MYO18B: variants seen among roughly 807,000 people sequenced by gnomAD.
MYO18B encodes unconventional myosin-XVIIIb.
In MYO18B, 204 loss-of-function variants were observed where a neutral mutation model predicts 273.0. That is an observed-to-expected ratio of 0.75 (90% CI 0.67 to 0.84). MYO18B has a LOEUF of 0.84. MYO18B is among the 40% of genes least tolerant of loss of function. MYO18B has a pLI of 0.00. For synonymous variants in MYO18B, 1,330 were observed against 1,305.7 expected (o/e 1.02, Z -0.40); for missense variants, 3,212 against 3,287.6 (o/e 0.98, Z 0.56).
At chr22:25,873,992 G>C (rs1156347182) in intron 22 of MYO18B, among the ~76,000 whole-genome samples, 2 of 152,220 alleles carry the variant, frequency 1.3e-5, no homozygotes, top group African/African-American at 2.4e-5. Context: ...TTCTGATTTA[G>C]CAGGTCTGGA....
chr22:25,772,298 GA>G, intron 6 of MYO18B, 35 bp from the exon 7 acceptor site: 1 of 1,592,534 alleles, frequency 6.3e-7, no homozygotes, highest in Admixed American at 1.7e-5. Context: ...CAGAAGGCCA[GA>G]AGGCCAGAGG....
intron 39 of MYO18B, among the ~76,000 whole-genome samples, chr22:25,978,103 C>A (rs181992836): frequency 2.3e-4 from 35 of 152,296 alleles, no homozygotes; most frequent in African/African-American, 8.2e-4. Flanking sequence ...CCGAGTACAA[C>A]CTTATTCATA....
chr22:25,830,819 A>C (rs906049933), intron 15 of MYO18B, among the ~76,000 whole-genome samples: 2 of 152,244 alleles, frequency 1.3e-5, no homozygotes. Context: ...CTCTGCAGAG[A>C]GTATAGATAC....
At chr22:25,842,862 A>G (rs2145992195) in intron 17 of MYO18B, among the ~76,000 whole-genome samples, 2 of 152,248 alleles carry the variant, frequency 1.3e-5, no homozygotes, top group Middle Eastern at 6.8e-3. Context: ...GCCAAGCATG[A>G]TGCTGGGCAC....
intron 7 of MYO18B, among the ~76,000 whole-genome samples, chr22:25,772,784 A>G (rs1371762196): frequency 6.6e-6 from 1 of 152,254 alleles, no homozygotes; most frequent in African/African-American, 2.4e-5. Context: ...TGTGAACTCT[A>G]CCAGACACTG....
rs924329290 is a variant in MYO18B at position 25,985,682 on chromosome 22, T to G, written c.6157-6681T>G. On this transcript the variant is annotated intron_variant, in intron 39 of 43. Coordinates refer to ENST00000335473, the MANE Select transcript of MYO18B (RefSeq NM_032608.7). Reference sequence around the variant, plus strand: ...TCTCGCTCTGTCACCTAGGCTGGAGTGCAGTGGCGCAATCTCGGCTCAATG... The same window carrying G: ...TCTCGCTCTGTCACCTAGGCTGGAGGGCAGTGGCGCAATCTCGGCTCAATG... Among the ~76,000 whole-genome samples the G allele has an allele frequency of 5.6e-3, 768 of 137,560 alleles. 5 individuals carry two copies. Among genetic ancestry groups the G allele is most frequent in the African/African-American group, 0.019 (712 of 37,440 alleles). The allele number at this position is 137,560 out of a possible 152,430, so 90.2% of individuals were successfully genotyped here.
intron 21 of MYO18B, among the ~76,000 whole-genome samples, chr22:25,856,976 C>A (rs1412256466): frequency 6.6e-6 from 1 of 152,096 alleles, no homozygotes; most frequent in African/African-American, 2.4e-5. Context: ...GCAGTGTCCT[C>A]TTGCTGACCT....
chr22:25,931,147 C>T (rs941094201), intron 34 of MYO18B, among the ~76,000 whole-genome samples: 5 of 152,136 alleles, frequency 3.3e-5, no homozygotes, highest in African/African-American at 1.2e-4. Flanking sequence ...TTTTTTAAAA[C>T]GATTATGTTG....
At chr22:25,814,021 G>C (rs1230208357) in intron 12 of MYO18B, among the ~76,000 whole-genome samples, 1 of 152,204 alleles carries the variant, frequency 6.6e-6, no homozygotes, top group African/African-American at 2.4e-5. Context: ...AAGCTGGAAT[G>C]CTGCTTGGGA....
intron 29 of MYO18B, chr22:25,901,482 G>A (rs1318388548): frequency 6.6e-6 from 1 of 152,090 alleles, no homozygotes; most frequent in Non-Finnish European, 1.5e-5. Flanking sequence ...TCACAGAAGG[G>A]CAGGAGGGCC....
chr22:25,931,744 T>C (rs1441484149), intron 34 of MYO18B, among the ~76,000 whole-genome samples: 1 of 147,708 alleles, frequency 6.8e-6, no homozygotes, highest in Non-Finnish European at 1.5e-5. Flanking sequence ...GTGCAGTGGC[T>C]CAATCATGGC....
At chr22:25,823,756 C>CTT (rs143285237) in intron 13 of MYO18B, 78 bp downstream of exon 13, 8 of 1,461,710 alleles carry the variant, frequency 5.5e-6, no homozygotes, top group African/African-American at 2.8e-5. Flanking sequence ...CATTCTTTAA[C>CTT]TTTTTTATCA....
At chr22:25,824,690 T>C (rs1271375896) in intron 13 of MYO18B, among the ~76,000 whole-genome samples, 1 of 152,168 alleles carries the variant, frequency 6.6e-6, no homozygotes. Context: ...CTGATGTCAC[T>C]TGGACCCCAT....
chr22:25,999,413 G>A (rs930945628), intron 40 of MYO18B, among the ~76,000 whole-genome samples: 2 of 152,132 alleles, frequency 1.3e-5, no homozygotes, highest in Admixed American at 6.6e-5. Flanking sequence ...GTCTGGCAAA[G>A]ACTGACCCTA....
At chr22:25,778,756 T>C (rs1227606946) in intron 8 of MYO18B, among the ~76,000 whole-genome samples, 1 of 151,902 alleles carries the variant, frequency 6.6e-6, no homozygotes, top group East Asian at 1.9e-4. Context: ...CCTTCAAAAG[T>C]GCTGGGATTA....
intron 42 of MYO18B, among the ~76,000 whole-genome samples, chr22:26,025,289 C>A (rs1936154801): frequency 6.6e-6 from 1 of 152,206 alleles, no homozygotes; most frequent in African/African-American, 2.4e-5. Flanking sequence ...CCCATTGGGT[C>A]ACTGTGGTCA....
At chr22:25,797,246 A>G (rs2087958443) in intron 11 of MYO18B, among the ~76,000 whole-genome samples, 1 of 151,904 alleles carries the variant, frequency 6.6e-6, no homozygotes. Flanking sequence ...ACAAAACAAA[A>G]ATAACTGCTT....
rs182737715 is a variant in MYO18B, at chr22:25,948,340, A to G, written c.5748+512A>G. Among the ~76,000 whole-genome samples, 643 of 151,516 alleles carry G rather than the reference A, an allele frequency of 4.2e-3. 9 individuals carry two copies. The highest frequency in any genetic ancestry group is 0.015 in the African/African-American group (617 of 41,256). On this transcript the variant is annotated intron_variant, in intron 36 of 43. Transcript: ENST00000335473. ...ATTCATTTATCCATTCATCCATCCT[A>G]CCACCGCTTACCCATTTATTCACCT... is the stretch of plus-strand genomic sequence containing the variant.
rs531483193 is a variant in MYO18B, at chr22:25,915,346, T to C, written c.5364+4296T>C. Among the ~76,000 whole-genome samples the C allele has an allele frequency of 5.7e-4, 87 of 152,350 alleles. No individual in the cohort carries two copies. In the South Asian group the frequency reaches 0.018, roughly 31 times the overall value. On this transcript the variant is annotated intron_variant, in intron 33 of 43. Transcript: ENST00000335473. The stretch of plus-strand genomic sequence containing the variant: ...AACCTAAACGGGATAGCCTTCTACA[T>C]GCCTAAGCTATCTGATATAGTCTAT...
Sources: gnomAD v4.1 joint callset for allele counts (sites outside exome capture counted in the v4.1 genomes callset) on GRCh38, gnomAD v4.1.1 for gene constraint, MANE v1.5 for transcripts, NCBI Gene and HGNC (gene_info 2026-07-23, HGNC 2026-07-21) for gene names.